The following RSRC1 variants were observed in gnomAD, a reference collection of about 807,000 sequenced individuals.
The protein encoded by RSRC1 is arginine and serine rich coiled-coil 1, also known as serine/Arginine-related protein 53.
Under a neutral mutation model 49.1 loss-of-function variants are expected in RSRC1, and 39 were observed. The ratio of observed to expected loss-of-function variants is 0.79; its 90% CI spans 0.61 to 1.04. The LOEUF (loss-of-function observed/expected upper bound fraction) is 1.04. RSRC1 is among the 50% of genes least tolerant of loss of function. The pLI, the probability that RSRC1 is intolerant of heterozygous loss-of-function variation, is 0.00. For synonymous variants in RSRC1, 143 were observed against 130.8 expected (o/e 1.09, Z -0.63); for missense variants, 388 against 402.4 (o/e 0.96, Z 0.31).
intron 5 of RSRC1, among the ~76,000 whole-genome samples, chr3:158,321,086 C>T (rs1728727629): frequency 6.6e-6 from 1 of 151,942 alleles, no homozygotes; most frequent in Non-Finnish European, 1.5e-5. Flanking sequence ...ATGCATGATA[C>T]CCATATTAAA....
At chr3:158,152,341 C>T (rs1717593297) in intron 3 of RSRC1, among the ~76,000 whole-genome samples, 1 of 152,100 alleles carries the variant, frequency 6.6e-6, no homozygotes, top group South Asian at 2.1e-4. Flanking sequence ...CTGAAAGTTC[C>T]ATGTCCCAAG....
intron 5 of RSRC1, chr3:158,303,533 G>A (rs762957761): frequency 1.3e-5 from 2 of 152,096 alleles, no homozygotes; most frequent in African/African-American, 2.4e-5. Context: ...TGGGTCTGGG[G>A]CACGATTTGA....
rs371409310 is a variant in RSRC1 at position 158,316,856 on chromosome 3, A to T, written c.531+18781A>T. 9.2e-5 allele frequency among the ~76,000 whole-genome samples: 14 copies of T among 152,334 alleles called. No homozygotes were observed. The South Asian group carries it at 1.2e-3, about 14-fold the overall frequency. On this transcript the variant is annotated intron_variant, in intron 5 of 9. Coordinates refer to ENST00000611884, the MANE Select transcript of RSRC1 (RefSeq NM_001271838.2). ...TTCCTTAATTCTGGCCCTAAATCAA[A>T]TAGTGCTTAATTTACCTTAGCAAAA...
intron 5 of RSRC1, among the ~76,000 whole-genome samples, chr3:158,312,353 T>C (rs193055883): frequency 3.9e-5 from 6 of 151,916 alleles, no homozygotes; most frequent in Admixed American, 2.6e-4. Flanking sequence ...TTCAGAAATA[T>C]GTGTTTCTTC....
intron 7 of RSRC1, among the ~76,000 whole-genome samples, chr3:158,517,893 C>A (rs1740663145): frequency 6.7e-6 from 1 of 148,236 alleles, no homozygotes. Context: ...TGGGCCATCA[C>A]ACCCAGCTGA....
intron 6 of RSRC1, among the ~76,000 whole-genome samples, chr3:158,454,917 T>A (rs1372947185): frequency 6.6e-6 from 1 of 152,132 alleles, no homozygotes; most frequent in Non-Finnish European, 1.5e-5. Context: ...GGGTCAGTAA[T>A]TACCTGCCCT....
chr3:158,384,806 G>A (rs967851472), intron 6 of RSRC1, among the ~76,000 whole-genome samples: 1 of 151,974 alleles, frequency 6.6e-6, no homozygotes, highest in Non-Finnish European at 1.5e-5. Context: ...AGCCAAACTC[G>A]AACACTAAAT....
At chr3:158,359,053 G>C (rs1484593929) in intron 6 of RSRC1, among the ~76,000 whole-genome samples, 1 of 152,014 alleles carries the variant, frequency 6.6e-6, no homozygotes, top group East Asian at 1.9e-4. Flanking sequence ...GTACCTGTTT[G>C]GAGGTTTTTT....
At chr3:158,542,171 T>C (rs1456558935) in intron 8 of RSRC1, among the ~76,000 whole-genome samples, 1 of 152,074 alleles carries the variant, frequency 6.6e-6, no homozygotes, top group East Asian at 1.9e-4. Context: ...ATCCATACAA[T>C]GGGACATTAT....
At chr3:158,530,894 T>TA (rs371856421) in intron 7 of RSRC1, among the ~76,000 whole-genome samples, 24 of 77,678 alleles carry the variant, frequency 3.1e-4, no homozygotes, top group East Asian at 1.4e-3. Context: ...TAGAGTATAA[T>TA]AAAAAAAAAA....
chr3:158,521,032 A>G (rs749663593), intron 7 of RSRC1, among the ~76,000 whole-genome samples: 1 of 152,130 alleles, frequency 6.6e-6, no homozygotes, highest in Admixed American at 6.6e-5. Context: ...CTCCATCTGT[A>G]TGGATTAATA....
At chr3:158,391,402 G>A (rs940890853) in intron 6 of RSRC1, among the ~76,000 whole-genome samples, 3 of 152,128 alleles carry the variant, frequency 2.0e-5, no homozygotes, top group African/African-American at 4.8e-5. Flanking sequence ...CATATGAGGG[G>A]TTGAAAGTTT....
chr3:158,384,981 TC>T (rs1242850934), intron 6 of RSRC1, among the ~76,000 whole-genome samples: 1 of 151,056 alleles, frequency 6.6e-6, no homozygotes, highest in African/African-American at 2.4e-5. Flanking sequence ...GCCCAATGAG[TC>T]CCCCAAAGTG....
In RSRC1 at chr3:158,112,650, C is replaced by A. The variant is rs747939700; in HGVS notation, c.-3+2427C>A. ...TGGTTTTTCAAACTTTTCTTGGTTT[C>A]TCTAAGGAAGGATTTATTTTAAGTT... On this transcript the variant is annotated intron_variant, in intron 1 of 9. Coordinates refer to ENST00000611884, the MANE Select transcript of RSRC1 (RefSeq NM_001271838.2). 4.6e-5 allele frequency among the ~76,000 whole-genome samples: 7 copies of A among 152,064 alleles called. No individual in the cohort carries two copies. In the South Asian group the frequency reaches 8.3e-4, roughly 18 times the overall value.
At chr3:158,187,809 G>A (rs1364171276) in intron 3 of RSRC1, among the ~76,000 whole-genome samples, 1 of 151,932 alleles carries the variant, frequency 6.6e-6, no homozygotes, top group Non-Finnish European at 1.5e-5. Context: ...TGTTGTTGCT[G>A]GTGGATATAT....
chr3:158,273,439 C>CT (rs1207876863), intron 4 of RSRC1, among the ~76,000 whole-genome samples: 1 of 151,916 alleles, frequency 6.6e-6, no homozygotes, highest in Admixed American at 6.6e-5. Context: ...TCCTGTAAGT[C>CT]TATTTTCTTT....
chr3:158,409,189 G>C (rs536974289), intron 6 of RSRC1, among the ~76,000 whole-genome samples: 1 of 152,058 alleles, frequency 6.6e-6, no homozygotes, highest in Non-Finnish European at 1.5e-5. Context: ...TGGATACTAG[G>C]CTTAATAGGT....
intron 4 of RSRC1, chr3:158,276,515 C>G (rs1725827051): frequency 1.8e-6 from 1 of 556,974 alleles, no homozygotes; most frequent in Admixed American, 3.3e-5. Flanking sequence ...CATGTTACCC[C>G]TCTTTTCTCA....
chr3:158,321,285 C>CTCCTCCTCCTCTTCT (rs1728742858), intron 5 of RSRC1, among the ~76,000 whole-genome samples: 1 of 24,330 alleles, frequency 4.1e-5, no homozygotes, highest in South Asian at 7.3e-4. Context: ...CTTCCTCTTC[C>CTCCTCCTCCTCTTCT]TCCTCCTCCT....
Sources: gnomAD v4.1 joint callset for allele counts (sites outside exome capture counted in the v4.1 genomes callset) on GRCh38, gnomAD v4.1.1 for gene constraint, MANE v1.5 for transcripts, NCBI Gene and HGNC (gene_info 2026-07-23, HGNC 2026-07-21) for gene names.